The following FHAD1 variants were observed in gnomAD, a reference collection of about 807,000 sequenced individuals.
The protein encoded by FHAD1 is forkhead-associated domain-containing protein 1.
FHAD1 carries 146 observed loss-of-function variants against 191.3 expected under a neutral mutation model. That is an observed-to-expected ratio of 0.76 (90% CI 0.67 to 0.88). FHAD1 has a LOEUF of 0.88. FHAD1 is among the 40% of genes least tolerant of loss of function. The pLI is 0.00. For missense variants in FHAD1, 1,635 were observed against 1,785.8 expected, an observed-to-expected ratio of 0.92 and a Z score of 1.52; for synonymous variants, 616 against 672.3, an observed-to-expected ratio of 0.92 and a Z score of 1.29.
chr1:15,376,396 G>C (rs759769732), intron 28 of FHAD1, among the ~76,000 whole-genome samples: 8 of 152,132 alleles, frequency 5.3e-5, no homozygotes, highest in Non-Finnish European at 1.2e-4. Context: ...GGCCGATCAC[G>C]GGTGATATTC....
At position 15,327,186 on chromosome 1, in the gene FHAD1, T is replaced by A; in HGVS notation, c.1557+44T>A. The A allele has an allele frequency of 2.3e-6, 3 of 1,314,192 alleles. No individual in the cohort carries two copies. The highest frequency in any genetic ancestry group is 3.2e-6 in the Non-Finnish European group (3 of 934,832). The allele number at this position is 1,314,192 out of a possible 1,614,324, so 81.4% of individuals were successfully genotyped here. A position where few individuals can be genotyped will look rare whatever the true frequency, so the allele number is the denominator to read the frequency against. On this transcript the variant is annotated intron_variant, in intron 12 of 33. Transcript: ENST00000688493. The surrounding 1 kb of genome is among the most constrained non-coding windows in gnomAD (Gnocchi z 5.1). ...CCACGTGGCTCCTTCACTTTCCTCT[T>A]CTTCTTCTTCGTGGATCTGGATTCC...
At chr1:15,260,207 A>T (rs1168255227) in intron 2 of FHAD1, among the ~76,000 whole-genome samples, 1 of 152,150 alleles carries the variant, frequency 6.6e-6, no homozygotes, top group African/African-American at 2.4e-5. Context: ...CTTGCCTGTG[A>T]TCCTGGCTCT....
chr1:15,262,304 A>C (rs1463123986), intron 2 of FHAD1, among the ~76,000 whole-genome samples: 3 of 152,286 alleles, frequency 2.0e-5, no homozygotes, highest in East Asian at 1.9e-4. Flanking sequence ...ATACTCTTCT[A>C]AGTGCTTTTT....
chr1:15,357,976 C>T (rs1026055780), intron 20 of FHAD1, 134 bp from the exon 21 acceptor site: 5 of 645,072 alleles, frequency 7.8e-6, no homozygotes, highest in African/African-American at 5.7e-5. Context: ...AAGGCATGGA[C>T]TTTGTGCTTT....
intron 7 of FHAD1, among the ~76,000 whole-genome samples, chr1:15,310,591 G>T (rs1426293353): frequency 2.0e-5 from 3 of 152,172 alleles, no homozygotes; most frequent in Non-Finnish European, 4.4e-5. Flanking sequence ...CCCTGGACCA[G>T]CAGCATCAGC....
intron 8 of FHAD1, among the ~76,000 whole-genome samples, 184 bp downstream of exon 8, chr1:15,313,371 C>T (rs1049267866): frequency 1.3e-5 from 2 of 152,146 alleles, no homozygotes; most frequent in African/African-American, 4.8e-5. Flanking sequence ...CATGAAATGC[C>T]TACCTAGAAA....
chr1:15,394,695 G>C (rs1467236592), intron 33 of FHAD1, among the ~76,000 whole-genome samples: 1 of 152,158 alleles, frequency 6.6e-6, no homozygotes, highest in Non-Finnish European at 1.5e-5. Flanking sequence ...TGCCCTCTGA[G>C]GAAGGCAGGA....
intron 16 of FHAD1, among the ~76,000 whole-genome samples, chr1:15,342,629 T>C (rs1478677594): frequency 6.6e-6 from 1 of 152,172 alleles, no homozygotes; most frequent in South Asian, 2.1e-4. Flanking sequence ...CTGTATTATT[T>C]AATGAGCTGA....
chr1:15,385,173 A>G (rs980906782), intron 31 of FHAD1, among the ~76,000 whole-genome samples: 1 of 151,416 alleles, frequency 6.6e-6, no homozygotes, highest in African/African-American at 2.4e-5. Context: ...TGACAACATC[A>G]GAGAAAACAG....
Position 15,278,475 on chromosome 1 carries a change from C to CTTTTTTTTT in FHAD1, c.300+5954_300+5962dup, listed in dbSNP as rs34110532. Among the ~76,000 whole-genome samples, 118 of 124,320 alleles carry CTTTTTTTTT rather than the reference C, an allele frequency of 9.5e-4. 8 individuals are homozygous for CTTTTTTTTT. Among genetic ancestry groups the CTTTTTTTTT allele is most frequent in the African/African-American group, 2.5e-3 (77 of 30,744 alleles). The allele number at this position is 124,320 out of a possible 152,430, so 81.6% of individuals were successfully genotyped here. The stretch of plus-strand genomic sequence containing the variant: ...ACGCTTTGAACAGTCTTCATTACCT[C>CTTTTTTTTT]TTTTTTTTTTTTTTTTGAGACGGAG... On this transcript the variant is annotated intron_variant, in intron 3 of 33. Coordinates refer to ENST00000688493, the MANE Select transcript of FHAD1 (RefSeq NM_001391957.1).
At chr1:15,308,591 AC>A (rs1347659768) in intron 6 of FHAD1, 21 bp from the exon 7 acceptor site, 2 of 1,551,222 alleles carry the variant, frequency 1.3e-6, no homozygotes, top group Admixed American at 3.9e-5. Flanking sequence ...CCCCCCTCTG[AC>A]TGTGCCACCT....
In FHAD1 at chr1:15,350,705, C is replaced by G. The variant is rs1280906855; in HGVS notation, c.2454+1556C>G. On this transcript the variant is annotated intron_variant, in intron 19 of 33. Coordinates refer to ENST00000688493, the MANE Select transcript of FHAD1 (RefSeq NM_001391957.1). Reference sequence around the variant, plus strand: ...ATGTGGGTGTGGTGGCAGAACCGCCCTAGAGGTGTAACATGAGGAGTCAGT... The same window carrying G: ...ATGTGGGTGTGGTGGCAGAACCGCCGTAGAGGTGTAACATGAGGAGTCAGT... Among the ~76,000 whole-genome samples the G allele has an allele frequency of 5.9e-5, 9 of 152,316 alleles. No homozygotes were observed. In the South Asian group the frequency reaches 1.7e-3, roughly 28 times the overall value.
intron 14 of FHAD1, among the ~76,000 whole-genome samples, chr1:15,331,437 C>A (rs150341933): frequency 1.8e-5 from 2 of 111,320 alleles, no homozygotes; most frequent in Non-Finnish European, 3.6e-5. Flanking sequence ...GATGGACGGA[C>A]GGGTGGAAGA....
At position 15,311,210 on chromosome 1, in the gene FHAD1, T is replaced by C. The variant is rs1209282875; in HGVS notation, c.1040-1847T>C. On this transcript the variant is annotated intron_variant, in intron 7 of 33. Transcript: ENST00000688493. The surrounding 1 kb of genome is among the most constrained non-coding windows in gnomAD (Gnocchi z 4.1). ...ATGGAGGTGGAGAAGCCAGCACAGC[T>C]TGAGTTTGCTGGGTGGCGTGCCAGG... Among the ~76,000 whole-genome samples the C allele has an allele frequency of 6.6e-6, 1 of 151,988 alleles. No homozygotes were observed. The highest frequency in any genetic ancestry group is 6.6e-5 in the Admixed American group (1 of 15,260).
chr1:15,263,063 C>T (rs765940486), intron 2 of FHAD1, among the ~76,000 whole-genome samples: 123 of 152,030 alleles, frequency 8.1e-4, no homozygotes, highest in Non-Finnish European at 1.5e-3. Flanking sequence ...TGATCTTGAG[C>T]ATTCTTCTCA....
chr1:15,251,954 G>T (rs1646828861), intron 2 of FHAD1, 77 bp downstream of exon 2: 1 of 1,193,374 alleles, frequency 8.4e-7, no homozygotes, highest in South Asian at 1.5e-5. Flanking sequence ...TTAGCGTTAT[G>T]TGGACTCCAG....
chr1:15,392,727 T>C (rs2103136372), intron 33 of FHAD1, among the ~76,000 whole-genome samples: 1 of 152,314 alleles, frequency 6.6e-6, no homozygotes, highest in East Asian at 1.9e-4. Context: ...CAGAACTGGA[T>C]TTGTGCCTTT....
At chr1:15,323,167 A>G (rs1165445226) in intron 10 of FHAD1, among the ~76,000 whole-genome samples, 1 of 152,270 alleles carries the variant, frequency 6.6e-6, no homozygotes, top group Non-Finnish European at 1.5e-5. Context: ...TTGGGTGGAC[A>G]CACAGCCAAA....
At chr1:15,359,683 A>C (rs762705975) in intron 21 of FHAD1, among the ~76,000 whole-genome samples, 17 of 152,028 alleles carry the variant, frequency 1.1e-4, no homozygotes, top group Non-Finnish European at 2.2e-4. Context: ...CCCCATCTCC[A>C]CTAAAAAAAA....
Sources: gnomAD v4.1 joint callset for allele counts (sites outside exome capture counted in the v4.1 genomes callset) on GRCh38, gnomAD v4.1.1 for gene constraint, Gnocchi (gnomAD v3.1) non-coding constraint, MANE v1.5 for transcripts, NCBI Gene and HGNC (gene_info 2026-07-23, HGNC 2026-07-21) for gene names.